STK35: variants seen among roughly 807,000 people sequenced by gnomAD.
STK35 encodes serine/threonine-protein kinase 35.
Under a neutral mutation model 37.3 loss-of-function variants are expected in STK35, and 17 were observed. That is an observed-to-expected ratio of 0.46 (90% CI 0.31 to 0.68). The LOEUF (loss-of-function observed/expected upper bound fraction) is 0.68. Among genes scored for constraint, STK35 ranks in the 30% least tolerant of loss-of-function variants. The pLI is 0.05. For missense variants in STK35, 595 were observed against 746.7 expected (o/e 0.80, Z 2.37); for synonymous variants, 385 against 319.1 (o/e 1.21, Z -2.20).
intron 2 of STK35, among the ~76,000 whole-genome samples, chr20:2,114,350 G>A (rs763218718): frequency 3.3e-5 from 5 of 152,054 alleles, no homozygotes; most frequent in South Asian, 2.1e-4. Flanking sequence ...AAGCCAAGGC[G>A]GGAGGACCAC....
chr20:2,109,434 G>T (rs866520676), intron 2 of STK35, among the ~76,000 whole-genome samples: 1 of 152,178 alleles, frequency 6.6e-6, no homozygotes, highest in African/African-American at 2.4e-5. Flanking sequence ...CTAGCATTTC[G>T]TAGTATTTTC....
chr20:2,115,233 C>G (rs1487158413), intron 2 of STK35, among the ~76,000 whole-genome samples: 1 of 152,192 alleles, frequency 6.6e-6, no homozygotes, highest in African/African-American at 2.4e-5. Flanking sequence ...CCAGAACTCT[C>G]AGACCATTGG....
intron 2 of STK35, among the ~76,000 whole-genome samples, chr20:2,108,000 A>T (rs1985548633): frequency 6.6e-6 from 1 of 152,178 alleles, no homozygotes; most frequent in Non-Finnish European, 1.5e-5. Flanking sequence ...GATTATCTTC[A>T]TTTTATAGGT....
chr20:2,102,776 C>G lies in STK35; in HGVS notation c.303C>G (p.Ile101Met). ...GATTCTTTCGCCCGCAGGTCACAAT[C>G]CAAGGTCCGGCTCCTCCGCGTCCCA... Reference protein sequence around the residue: ...RKWRCAGQVTIQGPAPPRPRA... With the variant: ...RKWRCAGQVTMQGPAPPRPRA... Residue 101 changes from isoleucine to methionine, a missense_variant, in exon 2 of 4, where the codon ATC becomes ATG. Transcript: ENST00000381482. 6.9e-7 allele frequency: 1 copy of G among 1,454,692 alleles called. No individual in the cohort carries two copies. Among genetic ancestry groups the G allele is most frequent in the Non-Finnish European group, 9.1e-7 (1 of 1,101,854 alleles). The allele number at this position is 1,454,692 out of a possible 1,614,324, so 90.1% of individuals were successfully genotyped here.
rs139397672 is a variant in STK35, at chr20:2,118,635, C to T, written c.*37+1220C>T. ...TCCTTTGTGAAGTACAGTCATGCTC[C>T]GCATGAACAACGTTTTGGTCAAAAA... On this transcript the variant is annotated intron_variant, in intron 3 of 3. Coordinates refer to ENST00000381482, the MANE Select transcript of STK35 (RefSeq NM_080836.4). 3.4e-3 allele frequency among the ~76,000 whole-genome samples: 516 copies of T among 152,258 alleles called. 4 individuals are homozygous for T. Among genetic ancestry groups the T allele is most frequent in the African/African-American group, 0.012 (490 of 41,552 alleles).
At chr20:2,136,068 T>A (rs900109250) in intron 3 of STK35, among the ~76,000 whole-genome samples, 1 of 150,396 alleles carries the variant, frequency 6.6e-6, no homozygotes, top group African/African-American at 2.5e-5. Context: ...TCTACTCTTT[T>A]CATTAACCTC....
intron 2 of STK35, among the ~76,000 whole-genome samples, chr20:2,112,063 C>T (rs979985206): frequency 1.3e-5 from 2 of 152,232 alleles, no homozygotes; most frequent in African/African-American, 4.8e-5. Flanking sequence ...GCTCACCGCA[C>T]CTCTGTCTCA....
chr20:2,111,065 T>C (rs1174805551), intron 2 of STK35, among the ~76,000 whole-genome samples: 4 of 152,236 alleles, frequency 2.6e-5, no homozygotes, highest in Admixed American at 6.5e-5. Context: ...TTCCATCTTA[T>C]GTGACAAGTT....
intron 3 of STK35, among the ~76,000 whole-genome samples, chr20:2,136,905 G>C (rs982400126): frequency 1.3e-5 from 2 of 152,216 alleles, no homozygotes; most frequent in African/African-American, 2.4e-5. Context: ...CCCTCTGGGA[G>C]TGTTTCCTGG....
chr20:2,142,946 T>A (rs1432831248), intron 3 of STK35, among the ~76,000 whole-genome samples: 1 of 152,216 alleles, frequency 6.6e-6, no homozygotes, highest in Non-Finnish European at 1.5e-5. Flanking sequence ...AGGGCAGGCT[T>A]CTTGTCTTAT....
chr20:2,117,986 C>T lies in STK35; in HGVS notation c.*37+571C>T, dbSNP rs897378704. Among the ~76,000 whole-genome samples the T allele has an allele frequency of 6.6e-6, 1 of 152,174 alleles. No homozygotes were observed. Among genetic ancestry groups the T allele is most frequent in the South Asian group, 2.1e-4 (1 of 4,834 alleles). On this transcript the variant is annotated intron_variant, in intron 3 of 3. Coordinates refer to ENST00000381482, the MANE Select transcript of STK35 (RefSeq NM_080836.4). This position sits in a 1 kb window ranked among gnomAD's most constrained non-coding sequence, Gnocchi z 4.4. ...GAGTCTCCCTTTTTTTAGAAACGCT[C>T]TTTCTCATCATTATAAATGCTCACT...
chr20:2,125,384 A>AT (rs1055392632), intron 3 of STK35, among the ~76,000 whole-genome samples: 1 of 152,190 alleles, frequency 6.6e-6, no homozygotes, highest in African/African-American at 2.4e-5. Context: ...CTGCTTAGCT[A>AT]TTCTGTTATG....
chr20:2,140,608 G>GA (rs1986157534), intron 3 of STK35, among the ~76,000 whole-genome samples: 1 of 152,192 alleles, frequency 6.6e-6, no homozygotes, highest in Non-Finnish European at 1.5e-5. Context: ...CCCCAGTAGA[G>GA]AGCCCTCTTA....
chr20:2,135,276 C>CT (rs1364499183), intron 3 of STK35, among the ~76,000 whole-genome samples: 1 of 152,182 alleles, frequency 6.6e-6, no homozygotes, highest in Admixed American at 6.5e-5. Context: ...TCTGGATACA[C>CT]TTAAGTGGGT....
chr20:2,114,350 G>C (rs763218718), intron 2 of STK35, among the ~76,000 whole-genome samples: 1 of 152,054 alleles, frequency 6.6e-6, no homozygotes, highest in Non-Finnish European at 1.5e-5. Flanking sequence ...AAGCCAAGGC[G>C]GGAGGACCAC....
chr20:2,142,494 G>A (rs907518469), intron 3 of STK35, among the ~76,000 whole-genome samples: 4 of 152,104 alleles, frequency 2.6e-5, no homozygotes, highest in Non-Finnish European at 4.4e-5. Flanking sequence ...TTGGTCATTC[G>A]GGCACTTTAA....
intron 3 of STK35, among the ~76,000 whole-genome samples, chr20:2,132,446 A>G (rs1236618972): frequency 6.6e-6 from 1 of 152,264 alleles, no homozygotes; most frequent in African/African-American, 2.4e-5. Context: ...GTAGAAAGCT[A>G]AATAGGGCTA....
intron 2 of STK35, among the ~76,000 whole-genome samples, chr20:2,104,015 C>T (rs907124506): frequency 1.3e-5 from 2 of 152,196 alleles, no homozygotes; most frequent in East Asian, 3.8e-4. Flanking sequence ...AAGCATCCGG[C>T]ATCTTTTCCC....
At chr20:2,129,926 G>A (rs752529038) in intron 3 of STK35, among the ~76,000 whole-genome samples, 1 of 152,174 alleles carries the variant, frequency 6.6e-6, no homozygotes. Flanking sequence ...GAAGCAGGGA[G>A]CCCAGGTAGG....
Sources: gnomAD v4.1 joint callset for allele counts (sites outside exome capture counted in the v4.1 genomes callset) on GRCh38, gnomAD v4.1.1 for gene constraint, Gnocchi (gnomAD v3.1) non-coding constraint, MANE v1.5 for transcripts, NCBI Gene and HGNC (gene_info 2026-07-23, HGNC 2026-07-21) for gene names.